Variants in SH3KBP1 observed in about 807,000 individuals in gnomAD.
SH3KBP1 encodes the protein SH3 domain containing kinase binding protein 1.
Under a neutral mutation model 50.1 loss-of-function variants are expected in SH3KBP1, and 8 were observed. That is an observed-to-expected ratio of 0.16 (90% CI 0.09 to 0.29). SH3KBP1 has a LOEUF of 0.29. SH3KBP1 is among the 10% of genes least tolerant of loss of function. The pLI, the probability that SH3KBP1 is intolerant of heterozygous loss-of-function variation, is 1.00. For synonymous variants in SH3KBP1, 227 were observed against 218.6 expected (o/e 1.04, Z -0.34); for missense variants, 377 against 535.2 (o/e 0.70, Z 2.92).
intron 2 of SH3KBP1, among the ~76,000 whole-genome samples, chrX:19,755,076 A>G (rs892064378): frequency 8.9e-6 from 1 of 112,448 alleles, no homozygotes. Flanking sequence ...GAAAGGGTCA[A>G]TAAATTACAG....
At chrX:19,848,764 T>C (rs373019995) in intron 1 of SH3KBP1, among the ~76,000 whole-genome samples, 8 of 108,569 alleles carry the variant, frequency 7.4e-5, no homozygotes, top group African/African-American at 2.0e-4. Flanking sequence ...CTAGCAGCTG[T>C]GGATATTGAT....
At chrX:19,774,169 T>C (rs1484108267) in intron 2 of SH3KBP1, among the ~76,000 whole-genome samples, 1 of 111,585 alleles carries the variant, frequency 9.0e-6, no homozygotes, top group African/African-American at 3.3e-5. Flanking sequence ...AGGGTCTTTT[T>C]TGACTGTCTT....
chrX:19,678,178 C>T (rs183819419), intron 6 of SH3KBP1, among the ~76,000 whole-genome samples: 18 of 111,493 alleles, frequency 1.6e-4, no homozygotes, highest in Non-Finnish European at 2.6e-4. Flanking sequence ...TGAAATAAAA[C>T]GTATGCACAG....
intron 8 of SH3KBP1, among the ~76,000 whole-genome samples, chrX:19,609,448 C>T (rs4529641): frequency 0.28 from 31,141 of 111,068 alleles, 4,019 homozygotes; most frequent in African/African-American, 0.51. Context: ...TCCCAAGTCT[C>T]GTGATCAACA....
Position 19,738,330 on chromosome X carries a change from T to C in SH3KBP1, c.286+7988A>G, listed in dbSNP as rs768680174. Among the ~76,000 whole-genome samples the C allele has an allele frequency of 4.5e-5, 5 of 111,145 alleles. No individual in the cohort carries two copies. In the South Asian group the frequency reaches 1.5e-3, roughly 34 times the overall value. On this transcript the variant is annotated intron_variant, in intron 3 of 17. Coordinates refer to ENST00000397821, the MANE Select transcript of SH3KBP1 (RefSeq NM_031892.3). ...AATAGTCAGAAGGGCTATAATTCCATACAACACACACTGAGAAATGCTGGG... is the reference window on the plus strand; with the variant it reads ...AATAGTCAGAAGGGCTATAATTCCACACAACACACACTGAGAAATGCTGGG...
chrX:19,691,627 T>C (rs1387234990), intron 5 of SH3KBP1, among the ~76,000 whole-genome samples: 1 of 109,260 alleles, frequency 9.2e-6, no homozygotes, highest in Non-Finnish European at 1.9e-5. Flanking sequence ...AAAGGAGATA[T>C]GAAGGAGAAA....
intron 1 of SH3KBP1, among the ~76,000 whole-genome samples, chrX:19,875,045 G>A (rs1056766068): frequency 6.3e-5 from 7 of 110,809 alleles, no homozygotes; most frequent in Non-Finnish European, 9.5e-5. Flanking sequence ...TTTCTGGAGC[G>A]CATCTCTACC....
At chrX:19,772,218 G>GT (rs199514250) in intron 2 of SH3KBP1, among the ~76,000 whole-genome samples, 3,863 of 111,848 alleles carry the variant, frequency 0.035, 58 homozygotes, top group South Asian at 0.063. Flanking sequence ...GCCAATGATG[G>GT]TGTCCTCTTT....
At chrX:19,604,725 A>T (rs190015483) in intron 9 of SH3KBP1, among the ~76,000 whole-genome samples, 1 of 111,355 alleles carries the variant, frequency 9.0e-6, no homozygotes, top group East Asian at 2.8e-4. Context: ...ACTCACCAAT[A>T]CTCTGGGTGC....
At position 19,704,032 on chromosome X, in the gene SH3KBP1, C is replaced by G. The variant is rs370016559; in HGVS notation, c.390+2849G>C. On this transcript the variant is annotated intron_variant, in intron 4 of 17. Transcript: ENST00000397821. ...GGACAGATTTTATATTATACAGTGA[C>G]AAGGGCCCAGTCTCTGCAATATAAC... Among the ~76,000 whole-genome samples, 70 of 111,102 alleles carry G rather than the reference C, an allele frequency of 6.3e-4. 1 individual carries two copies. The South Asian group carries it at 0.026, about 41-fold the overall frequency.
At chrX:19,859,589 C>T (rs2068734190) in intron 1 of SH3KBP1, among the ~76,000 whole-genome samples, 1 of 112,047 alleles carries the variant, frequency 8.9e-6, no homozygotes, top group African/African-American at 3.2e-5. Flanking sequence ...TTCAACCCAA[C>T]CCATGCCTAT....
chrX:19,752,152 C>T (rs2065082644), intron 2 of SH3KBP1, among the ~76,000 whole-genome samples: 1 of 112,220 alleles, frequency 8.9e-6, no homozygotes, highest in Admixed American at 9.4e-5. Context: ...CCATTCATAA[C>T]ACAGTTTAAG....
At chrX:19,874,412 T>C (rs112856192) in intron 1 of SH3KBP1, among the ~76,000 whole-genome samples, 529 of 50,175 alleles carry the variant, frequency 0.011, 9 homozygotes, top group African/African-American at 0.049. Flanking sequence ...GATGAGAGGA[T>C]GGGAGAGAGG....
intron 4 of SH3KBP1, among the ~76,000 whole-genome samples, chrX:19,703,696 CTGTGTGTGTG>C (rs56915755): frequency 0.088 from 5,593 of 63,385 alleles, 226 homozygotes; most frequent in Middle Eastern, 0.11. Flanking sequence ...AAAAGAGAAA[CTGTGTGTGTG>C]TGTGTGTGTG....
chrX:19,655,935 G>A (rs933070834), intron 6 of SH3KBP1, among the ~76,000 whole-genome samples: 2 of 111,985 alleles, frequency 1.8e-5, no homozygotes, highest in East Asian at 2.8e-4. Context: ...ATTAACAAAC[G>A]TTCATGGGAA....
intron 5 of SH3KBP1, among the ~76,000 whole-genome samples, chrX:19,685,632 T>A (rs927544881): frequency 8.9e-6 from 1 of 111,840 alleles, no homozygotes; most frequent in Non-Finnish European, 1.9e-5. Context: ...ATTTGTGTGT[T>A]TATCTGTTCA....
rs983400933 is a variant in SH3KBP1, at chrX:19,546,811, G to A, written c.1495-761C>T. On this transcript the variant is annotated intron_variant, in intron 14 of 17. Transcript: ENST00000397821. ...AGCATCTTTTGGTAAAATATAGGACGACACCCCTGTTCTTTCTGCCTCACT... is the reference window on the plus strand; with the variant it reads ...AGCATCTTTTGGTAAAATATAGGACAACACCCCTGTTCTTTCTGCCTCACT... Among the ~76,000 whole-genome samples the A allele has an allele frequency of 4.2e-4, 47 of 111,387 alleles. No homozygotes were observed. In the Admixed American group the frequency reaches 4.5e-3, roughly 11 times the overall value.
At chrX:19,694,197 A>C (rs1338701230) in intron 5 of SH3KBP1, among the ~76,000 whole-genome samples, 4 of 112,297 alleles carry the variant, frequency 3.6e-5, no homozygotes, top group African/African-American at 1.3e-4. Context: ...CTCTCCAAAA[A>C]ATCCCATTTA....
intron 12 of SH3KBP1, among the ~76,000 whole-genome samples, chrX:19,588,121 G>A (rs189110178): frequency 2.4e-3 from 267 of 111,854 alleles, no homozygotes; most frequent in Middle Eastern, 4.6e-3. Flanking sequence ...GTCCCCAGCC[G>A]TTGAGGGTCT....
Sources: allele counts gnomAD v4.1 joint callset (sites outside exome capture counted in the v4.1 genomes callset), GRCh38; gene constraint gnomAD v4.1.1; transcripts MANE v1.5; gene names NCBI Gene and HGNC (gene_info 2026-07-23, HGNC 2026-07-21).